Variants in PKDCC observed in about 807,000 individuals in gnomAD.
The protein encoded by PKDCC is extracellular tyrosine-protein kinase PKDCC.
Under a neutral mutation model 44.7 loss-of-function variants are expected in PKDCC, and 35 were observed. The observed-to-expected ratio is 0.78, with a 90% CI of 0.60 to 1.04. The LOEUF is 1.04. Ranked by LOEUF, PKDCC falls within the 50% of genes least tolerant of loss-of-function variation. PKDCC has a pLI of 0.00. For synonymous variants in PKDCC, 353 were observed against 303.3 expected (o/e 1.16, Z -1.70); for missense variants, 738 against 672.7 (o/e 1.10, Z -1.07).
chr2:42,052,243 C>T lies in PKDCC; in HGVS notation c.640-996C>T, dbSNP rs1667980350. Among the ~76,000 whole-genome samples the T allele has an allele frequency of 1.3e-5, 2 of 152,192 alleles. No individual in the cohort carries two copies. Among genetic ancestry groups the T allele is most frequent in the South Asian group, 4.1e-4 (2 of 4,826 alleles). On this transcript the variant is annotated intron_variant, in intron 1 of 6. Transcript: ENST00000294964. This position sits in a 1 kb window ranked among gnomAD's most constrained non-coding sequence, Gnocchi z 4.3. Reference sequence around the variant, plus strand: ...ATACACATCACTCATATGCAAAACACACCTGGGGATGTGCCCTCAGGTACC... The same window carrying T: ...ATACACATCACTCATATGCAAAACATACCTGGGGATGTGCCCTCAGGTACC...
At position 42,048,759 on chromosome 2, in the gene PKDCC, G is replaced by C. The variant is rs765504841; in HGVS notation, c.560G>C (p.Gly187Ala). The C allele has an allele frequency of 7.6e-6, 12 of 1,579,038 alleles. No homozygotes were observed. Among genetic ancestry groups the C allele is most frequent in the South Asian group, 4.6e-5 (4 of 87,320 alleles). ...GTGCGCGAGTTCGGGGTACGGAGGG[G>C]CTGCTATCGGCTGGCGGCCCACAAG... ...SCVREFGVRR[G>A]CYRLAAHKLL... Residue 187 changes from glycine (G) to alanine (A), a missense_variant, in exon 1 of 7, where the codon GGC (glycine) becomes GCC (alanine). Transcript: ENST00000294964. The surrounding 1 kb of genome is among the most constrained non-coding windows in gnomAD (Gnocchi z 6.2).
rs753432784 is a variant in PKDCC, at chr2:42,055,354, G to A, written c.1183G>A (p.Gly395Arg). 1.3e-5 allele frequency: 21 copies of A among 1,613,612 alleles called. No individual in the cohort carries two copies. Among genetic ancestry groups the A allele is most frequent in the South Asian group, 4.4e-5 (4 of 90,992 alleles). The part of the protein sequence containing the change: ...LEKVLHLYRS[G>R]QYLQNSTASS... ...GAAGGTGCTGCACCTGTACCGGAGC[G>A]GGCAGTATCTGCAGAACTCCACGGC... Residue 395 changes from glycine to arginine, a missense_variant, in exon 5 of 7, where the codon GGG becomes AGG. By Grantham distance (125) the Gly-to-Arg change is moderately radical (BLOSUM62 -2). Transcript: ENST00000294964. The surrounding 1 kb of genome is among the most constrained non-coding windows in gnomAD (Gnocchi z 4.5).
At position 42,054,018 on chromosome 2, in the gene PKDCC, T is replaced by C. The variant is rs1202590402; in HGVS notation, c.763-18T>C. The C allele has an allele frequency of 1.3e-5, 21 of 1,604,390 alleles. No individual in the cohort carries two copies. Among genetic ancestry groups the C allele is most frequent in the Non-Finnish European group, 1.8e-5 (21 of 1,174,708 alleles). ...CCCAGGAGAAAAGCAGTGAGCAGTCTTTTCTTGTGCCCCTCAGATCTGCCT... is the reference window on the plus strand; with the variant it reads ...CCCAGGAGAAAAGCAGTGAGCAGTCCTTTCTTGTGCCCCTCAGATCTGCCT... On this transcript the variant is annotated intron_variant, in intron 2 of 6. Coordinates refer to ENST00000294964, the MANE Select transcript of PKDCC (RefSeq NM_138370.3). The surrounding 1 kb of genome is among the most constrained non-coding windows in gnomAD (Gnocchi z 6.1).
Position 42,055,419 on chromosome 2 carries a change from G to A in PKDCC, c.1222+26G>A, listed in dbSNP as rs1208670428. 3.1e-6 allele frequency: 5 copies of A among 1,603,694 alleles called. No homozygotes were observed. Among genetic ancestry groups the A allele is most frequent in the Non-Finnish European group, 3.4e-6 (4 of 1,173,462 alleles). On this transcript the variant is annotated intron_variant, in intron 5 of 6. Transcript: ENST00000294964. This position sits in a 1 kb window ranked among gnomAD's most constrained non-coding sequence, Gnocchi z 4.5. ...GTGAGTGGCCCCAAGCTGATCCACA[G>A]GGAAGCAAGAAACAGGTGGGAGGGT...
intron 1 of PKDCC, 80 bp from the exon 2 acceptor site, chr2:42,053,158 GA>G (rs1667996601): frequency 7.0e-7 from 1 of 1,438,162 alleles, no homozygotes; most frequent in South Asian, 1.3e-5. Context: ...GGAGGAGAGA[GA>G]GGGGGAACCT....
Position 42,054,310 on chromosome 2 carries a change from G to T in PKDCC, c.1034+3G>T. 1.3e-6 allele frequency: 2 copies of T among 1,595,546 alleles called. No homozygotes were observed. The highest frequency in any genetic ancestry group is 2.3e-5 in the South Asian group (2 of 88,708). ...CGGAACCTCTATAATGCCTACAGGT[G>T]ACCTCCACCCCTGACTCGGGAACTC... is the stretch of plus-strand genomic sequence containing the variant. On this transcript the variant is annotated splice_donor_region_variant and intron_variant, in intron 3 of 6. Transcript: ENST00000294964. The surrounding 1 kb of genome is among the most constrained non-coding windows in gnomAD (Gnocchi z 6.1).
In PKDCC at chr2:42,054,411, G is replaced by A; in HGVS notation, c.1034+104G>A. 1 of 1,364,178 alleles carries A rather than the reference G, an allele frequency of 7.3e-7. No individual in the cohort carries two copies. The highest frequency in any genetic ancestry group is 1.4e-5 in the African/African-American group (1 of 69,042). 84.5% of individuals were successfully genotyped at this position (1,364,178 alleles called of 1,614,324 possible). ...GAGGCCAGCTGGGCAGGGAGACTCAGCCTTGACCAGAGCAAGGGAAGGCTT... is the reference window on the plus strand; with the variant it reads ...GAGGCCAGCTGGGCAGGGAGACTCAACCTTGACCAGAGCAAGGGAAGGCTT... On this transcript the variant is annotated intron_variant, in intron 3 of 6. Coordinates refer to ENST00000294964, the MANE Select transcript of PKDCC (RefSeq NM_138370.3). This position sits in a 1 kb window ranked among gnomAD's most constrained non-coding sequence, Gnocchi z 6.1.
chr2:42,057,741 C>G lies in PKDCC; in HGVS notation c.*53C>G. The G allele has an allele frequency of 6.5e-7, 1 of 1,532,940 alleles. No homozygotes were observed. The highest frequency in any genetic ancestry group is 9.0e-7 in the Non-Finnish European group (1 of 1,113,506). The allele number at this position is 1,532,940 out of a possible 1,614,324, so 95.0% of individuals were successfully genotyped here. ...GACTATCCTCAGCAGCTGGGCTTGC[C>G]TGTGGAGGGAGTGACTTGCACTGGC... On this transcript the variant is annotated 3_prime_UTR_variant, in exon 7 of 7. Transcript: ENST00000294964.
rs1668031810 is a variant in PKDCC at position 42,055,127 on chromosome 2, C to T, written c.1114+107C>T. 7.3e-7 allele frequency: 1 copy of T among 1,371,034 alleles called. No homozygotes were observed. The highest frequency in any genetic ancestry group is 1.0e-6 in the Non-Finnish European group (1 of 967,060). 84.9% of individuals were successfully genotyped at this position (1,371,034 alleles called of 1,614,324 possible). A position where few individuals can be genotyped will look rare whatever the true frequency, so the allele number is the denominator to read the frequency against. ...GGGCAGCAGGGGTTCTAGAAACCAT[C>T]ACTTCCTAAGGTGGCATTCTGCCGC... On this transcript the variant is annotated intron_variant, in intron 4 of 6. Coordinates refer to ENST00000294964, the MANE Select transcript of PKDCC (RefSeq NM_138370.3). This position sits in a 1 kb window ranked among gnomAD's most constrained non-coding sequence, Gnocchi z 4.5.
At position 42,048,760 on chromosome 2, in the gene PKDCC, C is replaced by T; in HGVS notation, c.561C>T (p.Gly187=). Residue 187 remains glycine, a synonymous_variant, in exon 1 of 7, where the codon GGC becomes GGT. Transcript: ENST00000294964. This position sits in a 1 kb window ranked among gnomAD's most constrained non-coding sequence, Gnocchi z 6.2. ...SCVREFGVRR[G]CYRLAAHKLL... ...TGCGCGAGTTCGGGGTACGGAGGGG[C>T]TGCTATCGGCTGGCGGCCCACAAGC... is the stretch of plus-strand genomic sequence containing the variant. 3.8e-6 allele frequency: 6 copies of T among 1,579,454 alleles called. No homozygotes were observed. Among genetic ancestry groups the T allele is most frequent in the Non-Finnish European group, 5.2e-6 (6 of 1,163,048 alleles).
chr2:42,053,434 A>T, intron 2 of PKDCC, 73 bp downstream of exon 2: 1 of 1,515,452 alleles, frequency 6.6e-7, no homozygotes, highest in African/African-American at 1.4e-5. Flanking sequence ...CAGCCCTCCA[A>T]AGCAGCTCCC....
At position 42,054,453 on chromosome 2, in the gene PKDCC, G is replaced by C; in HGVS notation, c.1034+146G>C. On this transcript the variant is annotated intron_variant, in intron 3 of 6. Coordinates refer to ENST00000294964, the MANE Select transcript of PKDCC (RefSeq NM_138370.3). This position sits in a 1 kb window ranked among gnomAD's most constrained non-coding sequence, Gnocchi z 6.1. ...GGAAGGCTTCTACCCTGTCCAGAAG[G>C]GAACATTCAGGCCTCTGATGGAGAG... 2.1e-6 allele frequency: 2 copies of C among 948,160 alleles called. No individual in the cohort carries two copies. The highest frequency in any genetic ancestry group is 3.1e-6 in the Non-Finnish European group (2 of 645,698). The allele number at this position is 948,160 out of a possible 1,614,324, so 58.7% of individuals were successfully genotyped here. A position where few individuals can be genotyped will look rare whatever the true frequency, so the allele number is the denominator to read the frequency against.
intron 1 of PKDCC, among the ~76,000 whole-genome samples, chr2:42,049,544 C>T (rs1037586560): frequency 1.3e-5 from 2 of 152,136 alleles, no homozygotes; most frequent in East Asian, 3.9e-4. Context: ...GACAGACTGG[C>T]GGCCTGAGGA....
Position 42,057,971 on chromosome 2 carries a change from C to T in PKDCC, c.*283C>T. 2.1e-6 allele frequency: 1 copy of T among 466,656 alleles called. No homozygotes were observed. The highest frequency in any genetic ancestry group is 3.9e-6 in the Non-Finnish European group (1 of 258,094). The allele number at this position is 466,656 out of a possible 1,614,324, so 28.9% of individuals were successfully genotyped here. A position where few individuals can be genotyped will look rare whatever the true frequency, so the allele number is the denominator to read the frequency against. ...GGGCTGTAAGCAAGCTCAGGCTAGTCTCCCCACTGGGGGCTGTGCCCCTCC... is the reference window on the plus strand; with the variant it reads ...GGGCTGTAAGCAAGCTCAGGCTAGTTTCCCCACTGGGGGCTGTGCCCCTCC... On this transcript the variant is annotated 3_prime_UTR_variant, in exon 7 of 7. Transcript: ENST00000294964.
Position 42,048,449 on chromosome 2 carries a change from C to T in PKDCC, c.250C>T (p.Arg84Trp). The change falls in exon 1 of 7, where the codon CGG (arginine) becomes TGG (tryptophan). Residue 84 changes from arginine (R) to tryptophan (W), a missense_variant. Arg to Trp is a moderately radical substitution (Grantham distance 101, BLOSUM62 -3). Transcript: ENST00000294964. The surrounding 1 kb of genome is among the most constrained non-coding windows in gnomAD (Gnocchi z 6.2). ...GPGPGAGRPE[R>W]RRLMDLAPGG... ...CGGGCCCGGGGCGGGCCGGCCGGAG[C>T]GGCGGCGCCTGATGGACCTGGCTCC... 9.1e-7 allele frequency: 1 copy of T among 1,096,602 alleles called. No individual in the cohort carries two copies. The highest frequency in any genetic ancestry group is 1.1e-6 in the Non-Finnish European group (1 of 905,216). 67.9% of individuals were successfully genotyped at this position (1,096,602 alleles called of 1,614,324 possible).
intron 5 of PKDCC, among the ~76,000 whole-genome samples, chr2:42,056,641 G>A (rs764608775): frequency 1.3e-5 from 2 of 152,176 alleles, no homozygotes; most frequent in Middle Eastern, 3.4e-3. Context: ...GCTTACACCT[G>A]TAATCCCAGC....
At position 42,048,861 on chromosome 2, in the gene PKDCC, G is replaced by C. The variant is rs763846436; in HGVS notation, c.639+23G>C. On this transcript the variant is annotated intron_variant, in intron 1 of 6. Transcript: ENST00000294964. The surrounding 1 kb of genome is among the most constrained non-coding windows in gnomAD (Gnocchi z 6.2). ...CAGGTACGAGGGTGGGGACGCGGGG[G>C]TAACGGTGTTGGCTGGGAGTGCCCA... The C allele has an allele frequency of 1.0e-5, 15 of 1,454,696 alleles. No homozygotes were observed. The highest frequency in any genetic ancestry group is 6.5e-5 in the Admixed American group (3 of 46,048). 90.1% of individuals were successfully genotyped at this position (1,454,696 alleles called of 1,614,324 possible). A position where few individuals can be genotyped will look rare whatever the true frequency, so the allele number is the denominator to read the frequency against.
chr2:42,056,446 G>A (rs1033714002), intron 5 of PKDCC, among the ~76,000 whole-genome samples: 17 of 152,032 alleles, frequency 1.1e-4, no homozygotes, highest in African/African-American at 2.7e-4. Context: ...CAAAAACCCC[G>A]ACTCCCTTCC....
intron 1 of PKDCC, among the ~76,000 whole-genome samples, chr2:42,049,278 A>G (rs897397557): frequency 2.2e-4 from 33 of 152,044 alleles, no homozygotes; most frequent in African/African-American, 7.7e-4. Context: ...ACTTCCAGTG[A>G]TTTGTCTGGT....
Sources: allele counts gnomAD v4.1 joint callset (sites outside exome capture counted in the v4.1 genomes callset), GRCh38; gene constraint gnomAD v4.1.1; non-coding constraint Gnocchi (gnomAD v3.1); transcripts MANE v1.5; gene names NCBI Gene and HGNC (gene_info 2026-07-23, HGNC 2026-07-21).